TENT2: variants seen among roughly 807,000 people sequenced by gnomAD.
TENT2 encodes terminal nucleotidyltransferase 2.
A neutral mutation model predicts 72.2 loss-of-function variants in TENT2; 44 were observed. That is an observed-to-expected ratio of 0.61 (90% confidence interval 0.48 to 0.78). TENT2 has a LOEUF of 0.78. TENT2 is among the 30% of genes least tolerant of loss of function. The probability of loss-of-function intolerance (pLI) is 0.00; values close to 1 mark genes in which losing one functional copy is unlikely to be tolerated. For synonymous variants in TENT2, 212 were observed against 192.5 expected (o/e 1.10, Z -0.84); for missense variants, 541 against 569.6 (o/e 0.95, Z 0.51).
chr5:79,632,632 T>C (rs188610331), intron 4 of TENT2, among the ~76,000 whole-genome samples: 161 of 152,266 alleles, frequency 1.1e-3, no homozygotes, highest in African/African-American at 3.6e-3. Context: ...AAAAAGACAA[T>C]TATTAAAGAA....
chr5:79,636,746 TA>T (rs751410733), intron 4 of TENT2, among the ~76,000 whole-genome samples: 6 of 152,298 alleles, frequency 3.9e-5, no homozygotes, highest in Admixed American at 2.6e-4. Flanking sequence ...TCTCTCCCTT[TA>T]TTTAGGTCTT....
intron 11 of TENT2, among the ~76,000 whole-genome samples, chr5:79,659,595 A>ATATATATAG (rs1561547891): frequency 3.8e-5 from 3 of 79,180 alleles, no homozygotes; most frequent in Admixed American, 1.4e-4. Flanking sequence ...TATATATATA[A>ATATATATAG]TAGCCATCGT....
chr5:79,621,941 G>A (rs1164328818), intron 3 of TENT2, among the ~76,000 whole-genome samples: 1 of 151,884 alleles, frequency 6.6e-6, no homozygotes, highest in African/African-American at 2.4e-5. Flanking sequence ...TGTGAGTAGG[G>A]GTTCCACTTA....
At chr5:79,617,992 AT>A (rs1208077978) in intron 1 of TENT2, among the ~76,000 whole-genome samples, 1 of 151,306 alleles carries the variant, frequency 6.6e-6, no homozygotes, top group Non-Finnish European at 1.5e-5. Context: ...AGTCTTTGGC[AT>A]TTTTTTTGTT....
intron 10 of TENT2, among the ~76,000 whole-genome samples, chr5:79,653,433 C>T (rs1271378682): frequency 6.6e-6 from 1 of 152,166 alleles, no homozygotes; most frequent in African/African-American, 2.4e-5. Context: ...TTTGAGGTTG[C>T]AGTAAGCTAT....
intron 10 of TENT2, among the ~76,000 whole-genome samples, chr5:79,653,425 T>G (rs748994687): frequency 6.6e-6 from 1 of 152,132 alleles, no homozygotes; most frequent in African/African-American, 2.4e-5. Flanking sequence ...CCCAGGAGTT[T>G]GAGGTTGCAG....
chr5:79,619,695 A>G lies in TENT2; in HGVS notation c.47A>G (p.His16Arg), dbSNP rs772397615. 3 of 1,613,804 alleles carry G rather than the reference A, an allele frequency of 1.9e-6. No individual in the cohort carries two copies. Among genetic ancestry groups the G allele is most frequent in the Non-Finnish European group, 1.7e-6 (2 of 1,179,884 alleles). Residue 16 changes from histidine (H) to arginine (R), a missense_variant, in exon 2 of 15, where the codon CAT becomes CGT. Physicochemically the swap from His to Arg is conservative, Grantham distance 29 (BLOSUM62 0). Coordinates refer to ENST00000453514, the MANE Select transcript of TENT2 (RefSeq NM_001114394.3). ...GGTCGCCCACCCTTCACTCCAAATC[A>G]TCAACAACATAATAACTTCTTTACC... ...ILGRPPFTPN[H>R]QQHNNFFTLS...
intron 4 of TENT2, 115 bp downstream of exon 4, chr5:79,623,604 G>A: frequency 1.5e-6 from 1 of 651,426 alleles, no homozygotes; most frequent in Non-Finnish European, 2.4e-6. Context: ...TTGTTGCAAT[G>A]TTTAAAGTAC....
At chr5:79,670,620 G>A (rs1240955342) in intron 12 of TENT2, among the ~76,000 whole-genome samples, 1 of 151,934 alleles carries the variant, frequency 6.6e-6, no homozygotes, top group African/African-American at 2.4e-5. Context: ...ACCGTGCTCG[G>A]CCACGGAGCT....
chr5:79,633,294 AC>A (rs1777070085), intron 4 of TENT2, among the ~76,000 whole-genome samples: 1 of 152,184 alleles, frequency 6.6e-6, no homozygotes, highest in South Asian at 2.1e-4. Flanking sequence ...TGCTATAATG[AC>A]CTGTTTTCTG....
At position 79,686,369 on chromosome 5, in the gene TENT2, T is replaced by G. The variant is rs1237169605; in HGVS notation, c.*1096T>G. 1 of 152,140 alleles carries G rather than the reference T, an allele frequency of 6.6e-6. No individual in the cohort carries two copies. The highest frequency in any genetic ancestry group is 1.5e-5 in the Non-Finnish European group (1 of 67,994). The allele number at this position is 152,140 out of a possible 1,614,324, so 9.4% of individuals were successfully genotyped here. On this transcript the variant is annotated 3_prime_UTR_variant, in exon 15 of 15. Coordinates refer to ENST00000453514, the MANE Select transcript of TENT2 (RefSeq NM_001114394.3). ...CTACAGTGTTTATTAAGGGTCTTTT[T>G]GATTTATGTAAATATTTGTAAATTG...
chr5:79,635,895 A>C (rs576492330), intron 4 of TENT2, among the ~76,000 whole-genome samples: 1 of 152,158 alleles, frequency 6.6e-6, no homozygotes, highest in African/African-American at 2.4e-5. Context: ...CTGAGTACCT[A>C]CGGTGAATTC....
intron 3 of TENT2, among the ~76,000 whole-genome samples, chr5:79,621,931 T>C (rs1765343179): frequency 6.6e-6 from 1 of 152,174 alleles, no homozygotes; most frequent in Non-Finnish European, 1.5e-5. Context: ...ATATTTTACC[T>C]GTGAGTAGGG....
At chr5:79,661,054 A>G (rs1174431722) in intron 11 of TENT2, among the ~76,000 whole-genome samples, 1 of 152,186 alleles carries the variant, frequency 6.6e-6, no homozygotes. Context: ...GAAAGAAAAT[A>G]TTGGTATCGT....
intron 4 of TENT2, among the ~76,000 whole-genome samples, chr5:79,624,547 A>G (rs1767799495): frequency 6.6e-6 from 1 of 152,180 alleles, no homozygotes; most frequent in Non-Finnish European, 1.5e-5. Context: ...CATCACCCCC[A>G]AAAGAAACCT....
At chr5:79,649,849 CCTTA>C (rs1241581983) in intron 10 of TENT2, among the ~76,000 whole-genome samples, 1 of 151,970 alleles carries the variant, frequency 6.6e-6, no homozygotes, top group Non-Finnish European at 1.5e-5. Context: ...TATTTGAAAC[CCTTA>C]CTTTCATATT....
intron 11 of TENT2, 118 bp from the exon 12 acceptor site, chr5:79,668,774 C>A: frequency 1.6e-6 from 2 of 1,244,874 alleles, no homozygotes; most frequent in African/African-American, 1.5e-5. Flanking sequence ...TTCCAAATTG[C>A]CAAATAGAGT....
rs1763167475 is a variant in TENT2 at position 79,619,658 on chromosome 5, A to G, written c.10A>G (p.Asn4Asp). Reference sequence around the variant, plus strand: ...TCCAGTGAACAAGAGCATGTTCCCAAACTCAATTTTGGGTCGCCCACCCTT... The same window carrying G: ...TCCAGTGAACAAGAGCATGTTCCCAGACTCAATTTTGGGTCGCCCACCCTT... MFP[N>D]SILGRPPFTP... The change falls in exon 2 of 15, where the codon AAC (asparagine) becomes GAC (aspartate). Residue 4 changes from asparagine to aspartate, a missense_variant. Physicochemically the swap from Asn to Asp is conservative, Grantham distance 23. Transcript: ENST00000453514. 16 of 1,613,584 alleles carry G rather than the reference A, an allele frequency of 9.9e-6. No homozygotes were observed. The highest frequency in any genetic ancestry group is 1.4e-5 in the Non-Finnish European group (16 of 1,179,746).
intron 4 of TENT2, among the ~76,000 whole-genome samples, chr5:79,637,996 C>T (rs1237106115): frequency 6.6e-6 from 1 of 151,954 alleles, no homozygotes; most frequent in African/African-American, 2.4e-5. Context: ...GATGGGATTT[C>T]ACCATGTTGT....
Sources: gnomAD v4.1 joint callset for allele counts (sites outside exome capture counted in the v4.1 genomes callset) on GRCh38, gnomAD v4.1.1 for gene constraint, MANE v1.5 for transcripts, NCBI Gene and HGNC (gene_info 2026-07-23, HGNC 2026-07-21) for gene names.